Variants in CSMD1 observed in about 807,000 individuals in gnomAD.
CSMD1 encodes CUB and sushi domain-containing protein 1.
Under a neutral mutation model 417.5 loss-of-function variants are expected in CSMD1, and 213 were observed. The observed-to-expected ratio is 0.51, with a 90% CI of 0.46 to 0.57. CSMD1 has a LOEUF of 0.57. Among genes scored for constraint, CSMD1 ranks in the 20% least tolerant of loss-of-function variants. The pLI, the probability that CSMD1 is intolerant of heterozygous loss-of-function variation, is 0.00. For synonymous variants in CSMD1, 2,862 were observed against 1,736.8 expected, an observed-to-expected ratio of 1.65 and a Z score of -16.11; for missense variants, 6,923 against 4,529.7, an observed-to-expected ratio of 1.53 and a Z score of -15.17.
At chr8:3,093,785 T>A (rs772086485) in intron 47 of CSMD1, among the ~76,000 whole-genome samples, 8 of 152,076 alleles carry the variant, frequency 5.3e-5, no homozygotes, top group Non-Finnish European at 1.2e-4. Context: ...AACTAGCATA[T>A]TAAATAATCG....
chr8:3,703,680 G>T (rs1051670697), intron 7 of CSMD1, among the ~76,000 whole-genome samples: 5 of 152,170 alleles, frequency 3.3e-5, no homozygotes, highest in Admixed American at 6.5e-5. Context: ...GAGCCTGCAG[G>T]ATGTGCACGA....
chr8:4,836,083 T>C (rs1294145277), intron 1 of CSMD1, among the ~76,000 whole-genome samples: 2 of 152,196 alleles, frequency 1.3e-5, no homozygotes, highest in Non-Finnish European at 2.9e-5. Context: ...CATACACAAG[T>C]AATGCAAGAA....
chr8:4,239,601 C>T lies in CSMD1; in HGVS notation c.415+180352G>A, dbSNP rs574453800. On this transcript the variant is annotated intron_variant, in intron 3 of 69. Transcript: ENST00000635120. Reference sequence around the variant, plus strand: ...GTAAATCCCCTAGCCACCTGCCTCTCTTAGAAGGCATTTCCACCTAGAGAA... The same window carrying T: ...GTAAATCCCCTAGCCACCTGCCTCTTTTAGAAGGCATTTCCACCTAGAGAA... 3.3e-5 allele frequency among the ~76,000 whole-genome samples: 5 copies of T among 152,276 alleles called. No individual in the cohort carries two copies. The East Asian group carries it at 9.7e-4, about 29-fold the overall frequency.
chr8:2,950,222 T>G lies in CSMD1; in HGVS notation c.10314+9A>C. 1 of 1,515,214 alleles carries G rather than the reference T, an allele frequency of 6.6e-7. No homozygotes were observed. Among genetic ancestry groups the G allele is most frequent in the Non-Finnish European group, 9.2e-7 (1 of 1,090,072 alleles). 93.9% of individuals were successfully genotyped at this position (1,515,214 alleles called of 1,614,324 possible). On this transcript the variant is annotated intron_variant, in intron 67 of 69. Transcript: ENST00000635120. Reference sequence around the variant, plus strand: ...TGTGCTTTGTCACAGACCTTACACATGTACTTACATAACCATCTAGTCCCC... The same window carrying G: ...TGTGCTTTGTCACAGACCTTACACAGGTACTTACATAACCATCTAGTCCCC...
intron 5 of CSMD1, among the ~76,000 whole-genome samples, chr8:3,961,780 A>G (rs946398398): frequency 5.3e-5 from 8 of 152,200 alleles, no homozygotes; most frequent in Non-Finnish European, 1.0e-4. Flanking sequence ...AGCTTTGATA[A>G]TGGTGCACTG....
chr8:3,333,162 AG>A (rs1807019797), intron 23 of CSMD1, among the ~76,000 whole-genome samples: 1 of 152,072 alleles, frequency 6.6e-6, no homozygotes, highest in Non-Finnish European at 1.5e-5. Context: ...CAGCCTGAAG[AG>A]GCCCCTGACA....
intron 7 of CSMD1, among the ~76,000 whole-genome samples, chr8:3,621,472 G>A (rs1362139780): frequency 6.6e-6 from 1 of 152,180 alleles, no homozygotes; most frequent in East Asian, 1.9e-4. Flanking sequence ...AGGTGTTATT[G>A]TGTAAAGTAC....
At chr8:4,697,486 C>T (rs979000960) in intron 1 of CSMD1, among the ~76,000 whole-genome samples, 2 of 152,142 alleles carry the variant, frequency 1.3e-5, no homozygotes, top group African/African-American at 2.4e-5. Flanking sequence ...TTAGGTATAA[C>T]ATATTCCTTT....
At chr8:4,111,169 T>C (rs1306435145) in intron 3 of CSMD1, among the ~76,000 whole-genome samples, 1 of 152,164 alleles carries the variant, frequency 6.6e-6, no homozygotes, top group Non-Finnish European at 1.5e-5. Context: ...CAGAAAAGTT[T>C]CCCTGTTCCC....
At chr8:3,831,211 A>C (rs1563124073) in intron 5 of CSMD1, among the ~76,000 whole-genome samples, 1 of 152,246 alleles carries the variant, frequency 6.6e-6, no homozygotes, top group Non-Finnish European at 1.5e-5. Context: ...TCACAAAAGC[A>C]TGTGGAAAGT....
chr8:3,012,871 T>C (rs1808509026), intron 52 of CSMD1, among the ~76,000 whole-genome samples: 1 of 152,182 alleles, frequency 6.6e-6, no homozygotes, highest in Admixed American at 6.5e-5. Context: ...CTGTCAAGGA[T>C]GGAGACAGGA....
intron 2 of CSMD1, among the ~76,000 whole-genome samples, chr8:4,552,583 C>T (rs1353228518): frequency 1.3e-5 from 2 of 152,036 alleles, no homozygotes; most frequent in Non-Finnish European, 2.9e-5. Context: ...TCCGGTTCTC[C>T]TGAAATGGAC....
intron 2 of CSMD1, among the ~76,000 whole-genome samples, chr8:4,594,290 G>C (rs1292207171): frequency 1.4e-5 from 2 of 141,962 alleles, no homozygotes; most frequent in African/African-American, 5.4e-5. Context: ...TGCAACCTCT[G>C]ACTCCTGGGT....
rs143450777 is a variant in CSMD1, at chr8:4,530,015, T to C, written c.302+107327A>G. Among the ~76,000 whole-genome samples the C allele has an allele frequency of 9.0e-3, 1,376 of 152,078 alleles. 14 individuals are homozygous for C. The highest frequency in any genetic ancestry group is 0.03 in the African/African-American group (1,230 of 41,476). The stretch of plus-strand genomic sequence containing the variant: ...CTGCAAGCCCCGCCTTCCGGGTTCA[T>C]GCCATTTTCCTGCCTCAGCCTCCAG... On this transcript the variant is annotated intron_variant, in intron 2 of 69. Coordinates refer to ENST00000635120, the MANE Select transcript of CSMD1 (RefSeq NM_033225.6).
At chr8:3,845,604 G>A (rs759576180) in intron 5 of CSMD1, among the ~76,000 whole-genome samples, 19 of 152,084 alleles carry the variant, frequency 1.2e-4, no homozygotes, top group Non-Finnish European at 2.5e-4. Flanking sequence ...CACTACTGCG[G>A]GATCTATAAA....
At chr8:3,021,992 G>C (rs983732743) in intron 51 of CSMD1, among the ~76,000 whole-genome samples, 18 of 147,954 alleles carry the variant, frequency 1.2e-4, no homozygotes, top group Non-Finnish European at 2.7e-4. Context: ...CACAGCATCA[G>C]GAATGCACCT....
At chr8:3,815,355 G>A (rs1194514123) in intron 5 of CSMD1, among the ~76,000 whole-genome samples, 3 of 152,144 alleles carry the variant, frequency 2.0e-5, no homozygotes, top group Admixed American at 6.5e-5. Flanking sequence ...CACATCAGGA[G>A]TTAGAGAACT....
rs188227647 is a variant in CSMD1 at position 3,436,656 on chromosome 8, A to G, written c.1562-27051T>C. Among the ~76,000 whole-genome samples the G allele has an allele frequency of 1.7e-3, 266 of 152,324 alleles. 1 individual carries two copies. Among genetic ancestry groups the G allele is most frequent in the Non-Finnish European group, 1.5e-3 (101 of 68,024 alleles). ...GTGATTACATGTATTTCAAAACAAG[A>G]AAAGTGTGAGTCTTGTATTGTTCTA... is the stretch of plus-strand genomic sequence containing the variant. On this transcript the variant is annotated intron_variant, in intron 12 of 69. Transcript: ENST00000635120.
chr8:3,383,083 A>G (rs1585082902), intron 18 of CSMD1, among the ~76,000 whole-genome samples: 2 of 130,258 alleles, frequency 1.5e-5, no homozygotes, highest in African/African-American at 5.8e-5. Context: ...GGATCTGGAC[A>G]CTACATCGTT....
Sources: allele counts gnomAD v4.1 joint callset (sites outside exome capture counted in the v4.1 genomes callset), GRCh38; gene constraint gnomAD v4.1.1; transcripts MANE v1.5; gene names NCBI Gene and HGNC (gene_info 2026-07-23, HGNC 2026-07-21).